AP4E1: variants seen among roughly 807,000 people sequenced by gnomAD.
AP4E1 encodes the protein AP-4 complex subunit epsilon-1.
A neutral mutation model predicts 128.2 loss-of-function variants in AP4E1; 56 were observed. That is an observed-to-expected ratio of 0.44 (90% CI 0.35 to 0.55). AP4E1 has a LOEUF of 0.55. Among genes scored for constraint, AP4E1 ranks in the 20% least tolerant of loss-of-function variants. The pLI is 0.00. For missense variants in AP4E1, 1,324 were observed against 1,307.7 expected (o/e 1.01, Z -0.19); for synonymous variants, 484 against 473.1 (o/e 1.02, Z -0.30).
chr15:50,986,516 A>C (rs1410391453), intron 16 of AP4E1, among the ~76,000 whole-genome samples: 1 of 152,176 alleles, frequency 6.6e-6, no homozygotes, highest in Non-Finnish European at 1.5e-5. Context: ...TTTTAGCATG[A>C]AGCGCTGTTG....
At chr15:50,993,229 T>G in intron 16 of AP4E1, 141 bp from the exon 17 acceptor site, 2 of 848,272 alleles carry the variant, frequency 2.4e-6, no homozygotes, top group South Asian at 3.4e-5. Context: ...GAGATCAAGG[T>G]TTTACTTCTG....
chr15:50,909,127 T>C (rs1596447707), intron 1 of AP4E1, among the ~76,000 whole-genome samples, 199 bp downstream of exon 1: 1 of 152,378 alleles, frequency 6.6e-6, no homozygotes, highest in East Asian at 1.9e-4. Flanking sequence ...AAGCCGAGTT[T>C]CCACAGTTAG....
At chr15:50,956,024 G>T (rs921189278) in intron 13 of AP4E1, among the ~76,000 whole-genome samples, 10 of 152,288 alleles carry the variant, frequency 6.6e-5, no homozygotes, top group Admixed American at 1.3e-4. Flanking sequence ...GTGCCCATTG[G>T]CATTTCCAGG....
chr15:50,958,848 A>G (rs1241907095), intron 14 of AP4E1, 54 bp downstream of exon 14: 2 of 1,548,474 alleles, frequency 1.3e-6, no homozygotes, highest in Non-Finnish European at 1.8e-6. Flanking sequence ...TAAACAGAGT[A>G]ATTCTTGCAT....
chr15:50,957,724 T>C (rs1227671625), intron 13 of AP4E1, among the ~76,000 whole-genome samples: 1 of 142,614 alleles, frequency 7.0e-6, no homozygotes, highest in Admixed American at 7.1e-5. Flanking sequence ...TTGCCCAGGC[T>C]GGAGTGCAGT....
chr15:50,910,033 C>G (rs759811187), intron 1 of AP4E1, among the ~76,000 whole-genome samples: 8 of 152,222 alleles, frequency 5.3e-5, no homozygotes, highest in Non-Finnish European at 1.2e-4. Flanking sequence ...GTCGCCCAGG[C>G]TGGAGTGCGA....
At chr15:50,950,664 G>A (rs1007466707) in intron 13 of AP4E1, among the ~76,000 whole-genome samples, 2 of 151,994 alleles carry the variant, frequency 1.3e-5, no homozygotes. Context: ...GTGTAGGTTT[G>A]TTACATAGGT....
intron 19 of AP4E1, 136 bp downstream of exon 19, chr15:50,999,398 G>T: frequency 1.5e-6 from 1 of 663,386 alleles, no homozygotes; most frequent in Non-Finnish European, 2.5e-6. Context: ...CTACGTTAGA[G>T]GAATTTCTAG....
chr15:50,984,076 G>T lies in AP4E1; in HGVS notation c.2021G>T (p.Arg674Leu). ...LSFSSSGFTG[R>L]QSPAGISLGS... ...TTTTCTTCATCTGGCTTCACTGGACGACAGTCTCCTGCTGGCATTTCTCTT... is the reference window on the plus strand; with the variant it reads ...TTTTCTTCATCTGGCTTCACTGGACTACAGTCTCCTGCTGGCATTTCTCTT... Residue 674 changes from arginine to leucine, a missense_variant, in exon 16 of 21, where the codon CGA becomes CTA. Physicochemically the swap from Arg to Leu is moderately radical, Grantham distance 102. Coordinates refer to ENST00000261842, the MANE Select transcript of AP4E1 (RefSeq NM_007347.5). The T allele has an allele frequency of 6.2e-7, 1 of 1,613,328 alleles. No individual in the cohort carries two copies. Among genetic ancestry groups the T allele is most frequent in the Non-Finnish European group, 8.5e-7 (1 of 1,179,446 alleles).
At chr15:50,978,476 A>G (rs2064588878) in intron 15 of AP4E1, among the ~76,000 whole-genome samples, 1 of 152,244 alleles carries the variant, frequency 6.6e-6, no homozygotes, top group Non-Finnish European at 1.5e-5. Flanking sequence ...GGTATAAATA[A>G]TTGCAGTACA....
Position 50,997,873 on chromosome 15 carries a change from A to G in AP4E1, c.2894A>G (p.Glu965Gly). 1 of 1,598,102 alleles carries G rather than the reference A, an allele frequency of 6.3e-7. No individual in the cohort carries two copies. The highest frequency in any genetic ancestry group is 8.5e-7 in the Non-Finnish European group (1 of 1,170,498). ...GCTGACTTAGAAATTTTTCCTGCAGAAAATTTCAAGGTAAAATTTAAAGGT... is the reference window on the plus strand; with the variant it reads ...GCTGACTTAGAAATTTTTCCTGCAGGAAATTTCAAGGTAAAATTTAAAGGT... ...KSADLEIFPA[E>G]NFKVTEQPGC... is the part of the protein sequence containing the mutation. The change falls in exon 18 of 21, where the codon GAA (glutamate) becomes GGA (glycine). Residue 965 changes from glutamate (E) to glycine (G), a missense_variant. Physicochemically the swap from Glu to Gly is moderately conservative, Grantham distance 98 (BLOSUM62 -2). Transcript: ENST00000261842.
chr15:50,911,382 A>G (rs2063564432), intron 1 of AP4E1, among the ~76,000 whole-genome samples: 1 of 152,070 alleles, frequency 6.6e-6, no homozygotes, highest in African/African-American at 2.4e-5. Flanking sequence ...CTGTTTCTTA[A>G]TTCCATGAAG....
At chr15:50,936,674 G>A (rs957983011) in intron 8 of AP4E1, among the ~76,000 whole-genome samples, 4 of 152,042 alleles carry the variant, frequency 2.6e-5, no homozygotes, top group African/African-American at 9.7e-5. Flanking sequence ...GGTGGCTCAC[G>A]CCTGTGATCC....
intron 13 of AP4E1, among the ~76,000 whole-genome samples, chr15:50,954,276 G>T (rs1467518466): frequency 6.6e-6 from 1 of 152,156 alleles, no homozygotes; most frequent in East Asian, 1.9e-4. Flanking sequence ...AATGACTTGG[G>T]AATGTGCCCT....
At chr15:50,921,800 A>T (rs1406235306) in intron 3 of AP4E1, among the ~76,000 whole-genome samples, 2 of 152,148 alleles carry the variant, frequency 1.3e-5, no homozygotes, top group Non-Finnish European at 2.9e-5. Flanking sequence ...CGTAGTTATT[A>T]TTCTTTGTTT....
chr15:50,941,617 G>C (rs751317147), intron 9 of AP4E1, 49 bp from the exon 10 acceptor site: 1 of 1,611,484 alleles, frequency 6.2e-7, no homozygotes. Context: ...TTTGAAATTT[G>C]CTGTGTATTT....
chr15:50,945,538 A>G lies in AP4E1; in HGVS notation c.1177-2482A>G, dbSNP rs1253958316. 4.0e-6 allele frequency: 3 copies of G among 741,158 alleles called. No homozygotes were observed. The African/African-American group carries it at 5.2e-5, about 13-fold the overall frequency. The allele number at this position is 741,158 out of a possible 1,614,324, so 45.9% of individuals were successfully genotyped here. On this transcript the variant is annotated intron_variant, in intron 10 of 20. Transcript: ENST00000261842. The stretch of plus-strand genomic sequence containing the variant: ...AGTGCTTGACATGGATTACCCTCCC[A>G]CTGGGAAAGAGCTTGTGTCTGCTAG...
At chr15:50,993,274 A>T (rs1595579669) in intron 16 of AP4E1, 96 bp from the exon 17 acceptor site, 3 of 1,311,030 alleles carry the variant, frequency 2.3e-6, no homozygotes, top group Non-Finnish European at 3.2e-6. Flanking sequence ...TGTTTTTAAA[A>T]GGCCATGGGC....
At chr15:50,925,051 G>T in intron 4 of AP4E1, 47 bp from the exon 5 acceptor site, 1 of 1,611,296 alleles carries the variant, frequency 6.2e-7, no homozygotes. Flanking sequence ...GCCATTCCTA[G>T]TTTCAGTATT....
Sources: gnomAD v4.1 joint callset for allele counts (sites outside exome capture counted in the v4.1 genomes callset) on GRCh38, gnomAD v4.1.1 for gene constraint, MANE v1.5 for transcripts, NCBI Gene and HGNC (gene_info 2026-07-23, HGNC 2026-07-21) for gene names.